Variants in SP1 observed in about 807,000 individuals in gnomAD.
SP1 encodes Sp1 transcription factor, also known as transcription factor Sp1.
In SP1, 6 loss-of-function variants were observed where a neutral mutation model predicts 66.3. The ratio of observed to expected loss-of-function variants is 0.09; its 90% CI spans 0.05 to 0.18. The LOEUF is 0.18. SP1 is among the 10% of genes least tolerant of loss of function. SP1 has a pLI of 1.00. For missense variants in SP1, 848 were observed against 964.5 expected (o/e 0.88, Z 1.60); for synonymous variants, 417 against 360.8 (o/e 1.16, Z -1.77).
At chr12:53,385,249 A>C (rs1938199570) in intron 3 of SP1, among the ~76,000 whole-genome samples, 1 of 150,274 alleles carries the variant, frequency 6.7e-6, no homozygotes. Context: ...AGCCGAGATC[A>C]CATCACTGCA....
chr12:53,381,431 G>T, intron 1 of SP1: 1 of 377,714 alleles, frequency 2.6e-6, no homozygotes, highest in South Asian at 5.9e-5. Context: ...TGTTTTCTTA[G>T]TTTAATTTTG....
intron 3 of SP1, among the ~76,000 whole-genome samples, chr12:53,389,284 TGGTCTC>T (rs1180703650): frequency 6.8e-6 from 1 of 146,550 alleles, no homozygotes; most frequent in African/African-American, 2.5e-5. Flanking sequence ...TCCAATGGTG[TGGTCTC>T]GGCTCACTGC....
chr12:53,402,789 A>C (rs765762282), intron 3 of SP1, among the ~76,000 whole-genome samples: 2 of 150,130 alleles, frequency 1.3e-5, no homozygotes, highest in Admixed American at 1.3e-4. Context: ...ATATGGTGAA[A>C]CCCCGTCTCT....
At chr12:53,386,887 A>G (rs1565809288) in intron 3 of SP1, among the ~76,000 whole-genome samples, 1 of 152,136 alleles carries the variant, frequency 6.6e-6, no homozygotes. Context: ...CAATTATACA[A>G]ATACGGAAAA....
Position 53,383,307 on chromosome 12 carries a change from C to T in SP1, c.1360C>T (p.Pro454Ser), listed in dbSNP as rs1592555023. 1 of 1,614,244 alleles carries T rather than the reference C, an allele frequency of 6.2e-7. No individual in the cohort carries two copies. Among genetic ancestry groups the T allele is most frequent in the East Asian group, 2.2e-5 (1 of 44,886 alleles). ...CTCTGGTCCCATCATCATCCGGACA[C>T]CAACAGTGGGGCCCAATGGACAGGT... ...PNSGPIIIRT[P>S]TVGPNGQVSW... The change falls in exon 3 of 6, where the codon CCA (proline) becomes TCA (serine). Residue 454 changes from proline to serine, a missense_variant. Physicochemically the swap from Pro to Ser is moderately conservative, Grantham distance 74. Transcript: ENST00000327443.
intron 2 of SP1, 98 bp downstream of exon 2, chr12:53,381,911 A>G: frequency 2.9e-6 from 4 of 1,380,802 alleles, no homozygotes; most frequent in Non-Finnish European, 3.0e-6. Context: ...GGGAGAGACT[A>G]AACCATTTTA....
At chr12:53,394,109 G>A (rs1272704284) in intron 3 of SP1, among the ~76,000 whole-genome samples, 1 of 151,904 alleles carries the variant, frequency 6.6e-6, no homozygotes, top group Non-Finnish European at 1.5e-5. Flanking sequence ...CAGCTACTCA[G>A]GAGGCTGAGG....
chr12:53,389,348 A>T (rs1410949024), intron 3 of SP1, among the ~76,000 whole-genome samples: 2 of 150,920 alleles, frequency 1.3e-5, no homozygotes, highest in African/African-American at 4.9e-5. Flanking sequence ...CAGCCTCCCG[A>T]GTAATGCCCA....
At chr12:53,402,220 CTTTTTTTTTT>C (rs35020021) in intron 3 of SP1, among the ~76,000 whole-genome samples, 1 of 131,524 alleles carries the variant, frequency 7.6e-6, no homozygotes, top group Non-Finnish European at 1.6e-5. Flanking sequence ...TAGGCTGCAC[CTTTTTTTTTT>C]TTTTTTTTTT....
Position 53,411,328 on chromosome 12 carries a change from A to G in SP1, c.*88A>G, listed in dbSNP as rs1187963345. ...CATGGGTCCAAGAGACATGGAAGAGAGAGCCATGAAGCATTAAAATGCATG... is the reference window on the plus strand; with the variant it reads ...CATGGGTCCAAGAGACATGGAAGAGGGAGCCATGAAGCATTAAAATGCATG... On this transcript the variant is annotated 3_prime_UTR_variant, in exon 6 of 6. Coordinates refer to ENST00000327443, the MANE Select transcript of SP1 (RefSeq NM_138473.3). The G allele has an allele frequency of 9.4e-7, 1 of 1,059,304 alleles. No individual in the cohort carries two copies. The highest frequency in any genetic ancestry group is 1.4e-6 in the Non-Finnish European group (1 of 728,330). The allele number at this position is 1,059,304 out of a possible 1,614,324, so 65.6% of individuals were successfully genotyped here.
chr12:53,411,015 G>A lies in SP1; in HGVS notation c.2133G>A (p.Lys711=). Residue 711 remains lysine (K), a synonymous_variant, in exon 6 of 6, where the codon AAG becomes AAA. Transcript: ENST00000327443. The stretch of plus-strand genomic sequence containing the variant: ...AACATATCAAGACCCACCAGAATAA[G>A]AAGGGAGGCCCAGGTGTAGCTCTGA... ...LSKHIKTHQN[K]KGGPGVALSV... The A allele has an allele frequency of 6.2e-7, 1 of 1,614,222 alleles. No individual in the cohort carries two copies. The highest frequency in any genetic ancestry group is 8.5e-7 in the Non-Finnish European group (1 of 1,180,028).
At chr12:53,381,243 C>G (rs1938090179) in intron 1 of SP1, 1 of 156,328 alleles carries the variant, frequency 6.4e-6, no homozygotes, top group South Asian at 1.7e-4. Flanking sequence ...GTGACCACCG[C>G]GCCTGGCCTC....
At position 53,406,175 on chromosome 12, in the gene SP1, A is replaced by G. The variant is rs1288691064; in HGVS notation, c.1676-410A>G. ...AACCTCCGCCTCCCGGGTTCAAGCA[A>G]TTCTCCTGGCTCAGCCTTCCAAGGA... On this transcript the variant is annotated intron_variant, in intron 3 of 5. Coordinates refer to ENST00000327443, the MANE Select transcript of SP1 (RefSeq NM_138473.3). 7.3e-5 allele frequency among the ~76,000 whole-genome samples: 11 copies of G among 150,680 alleles called. 1 individual carries two copies. In the Admixed American group the frequency reaches 7.3e-4, roughly 10 times the overall value.
At chr12:53,380,632 C>T in intron 1 of SP1, 2 of 1,002,374 alleles carry the variant, frequency 2.0e-6, no homozygotes, top group Non-Finnish European at 2.4e-6. Flanking sequence ...GCGGGGGCGG[C>T]CCGAGCAGCG....
chr12:53,383,207 G>C lies in SP1; in HGVS notation c.1260G>C (p.Leu420Phe). ...TCCAGGCCCTCCAAGCAGCACCATTGTCAGGGCAGACCTTTACAACTCAAG... is the reference window on the plus strand; with the variant it reads ...TCCAGGCCCTCCAAGCAGCACCATTCTCAGGGCAGACCTTTACAACTCAAG... ...QALQALQAAP[L>F]SGQTFTTQAI... Residue 420 changes from leucine (L) to phenylalanine (F), a missense_variant, in exon 3 of 6, where the codon TTG becomes TTC. Transcript: ENST00000327443. 2 of 1,614,194 alleles carry C rather than the reference G, an allele frequency of 1.2e-6. No homozygotes were observed. The highest frequency in any genetic ancestry group is 1.7e-6 in the Non-Finnish European group (2 of 1,180,026).
At chr12:53,385,513 T>C (rs1359128207) in intron 3 of SP1, among the ~76,000 whole-genome samples, 1 of 100,806 alleles carries the variant, frequency 9.9e-6, no homozygotes, top group Admixed American at 1.0e-4. Context: ...GAGAATCACT[T>C]GAACCAGGGA....
intron 3 of SP1, among the ~76,000 whole-genome samples, chr12:53,397,571 T>C (rs1938517462): frequency 6.8e-6 from 1 of 147,014 alleles, no homozygotes; most frequent in Admixed American, 7.0e-5. Flanking sequence ...TTCAAGCGAC[T>C]CTTTTTCCTT....
intron 3 of SP1, among the ~76,000 whole-genome samples, chr12:53,390,527 CA>C (rs1449985107): frequency 6.6e-6 from 1 of 151,966 alleles, no homozygotes; most frequent in African/African-American, 2.4e-5. Context: ...TACTAAAATA[CA>C]AAAAATCAGC....
rs780076618 is a variant in SP1, at chr12:53,381,743, G to T, written c.92G>T (p.Gly31Val). Residue 31 changes from glycine (G) to valine (V), a missense_variant, in exon 2 of 6, where the codon GGT becomes GTT. Physicochemically the swap from Gly to Val is moderately radical, Grantham distance 109. This residue lies in a region of SP1 where 84 missense variants were observed against 73.9 expected (regional missense o/e 1.14). Transcript: ENST00000327443. ...GGCAATAATGGGGGCAATGGTAATG[G>T]TGGTGGTGCCTTTTCACAGGCTCGA... ...VGGNNGGNGNGGGAFSQARSS... is the reference protein window; with the variant it reads ...VGGNNGGNGNVGGAFSQARSS... 6 of 1,614,164 alleles carry T rather than the reference G, an allele frequency of 3.7e-6. No homozygotes were observed. The highest frequency in any genetic ancestry group is 5.1e-6 in the Non-Finnish European group (6 of 1,179,996).
Sources: gnomAD v4.1 joint callset for allele counts (sites outside exome capture counted in the v4.1 genomes callset) on GRCh38, gnomAD v4.1.1 for gene constraint, gnomAD v4.1.1 regional missense constraint, MANE v1.5 for transcripts, NCBI Gene and HGNC (gene_info 2026-07-23, HGNC 2026-07-21) for gene names.